STXBP2: variants seen among roughly 807,000 people sequenced by gnomAD.
The protein encoded by STXBP2 is syntaxin binding protein 2, also known as syntaxin-binding protein 2.
A neutral mutation model predicts 72.2 loss-of-function variants in STXBP2; 47 were observed. That is an observed-to-expected ratio of 0.65 (90% CI 0.51 to 0.83). The LOEUF (loss-of-function observed/expected upper bound fraction) is 0.83, where lower values mean the gene tolerates loss of function less well. Among genes scored for constraint, STXBP2 ranks in the 40% least tolerant of loss-of-function variants. The pLI, the probability that STXBP2 is intolerant of heterozygous loss-of-function variation, is 0.00. For missense variants in STXBP2, 702 were observed against 807.6 expected, an observed-to-expected ratio of 0.87 and a Z score of 1.58; for synonymous variants, 367 against 338.7, an observed-to-expected ratio of 1.08 and a Z score of -0.92.
chr19:7,640,857 G>T (rs781755996), intron 5 of STXBP2, 43 bp from the exon 6 acceptor site: 2 of 1,613,856 alleles, frequency 1.2e-6, no homozygotes, highest in African/African-American at 2.7e-5. Flanking sequence ...AAGGAGGTGT[G>T]GGGGCTGCTC....
chr19:7,634,952 A>T (rs906941810), upstream of STXBP2, among the ~76,000 whole-genome samples: 4 of 152,214 alleles, frequency 2.6e-5, no homozygotes, highest in Non-Finnish European at 5.9e-5. Context: ...AACCAGGCAG[A>T]CATATAACTA....
upstream of STXBP2, chr19:7,632,477 C>T: frequency 5.6e-6 from 9 of 1,613,822 alleles, no homozygotes; most frequent in Non-Finnish European, 6.8e-6. This position sits in a 1 kb window ranked among gnomAD's most constrained non-coding sequence, Gnocchi z 5.2. Context: ...TACTGGCCAG[C>T]ATGTCCATGA....
upstream of STXBP2, chr19:7,632,563 GC>G (rs2146196335): frequency 1.9e-6 from 3 of 1,605,514 alleles, no homozygotes; most frequent in Non-Finnish European, 8.5e-7. The surrounding 1 kb of genome is among the most constrained non-coding windows in gnomAD (Gnocchi z 5.2). Flanking sequence ...CGGAGTGGGG[GC>G]CCCCAACCCT....
rs150025014 is a variant in STXBP2, at chr19:7,637,112, G to GAC, written c.-33_-32dup. The GAC allele has an allele frequency of 2.2e-4, 275 of 1,234,482 alleles. 1 individual carries two copies. The African/African-American group carries it at 4.3e-3, about 19-fold the overall frequency. 76.5% of individuals were successfully genotyped at this position (1,234,482 alleles called of 1,614,324 possible). ...GCGCGGGGCCACGCCCCCACCTTGG[G>GAC]ACACACCCGGAAGCGGCGGCGGCGC... On this transcript the variant is annotated 5_prime_UTR_variant, in exon 1 of 19. Transcript: ENST00000221283.
chr19:7,629,801 G>T, the STXBP2 span: 1 of 1,537,098 alleles, frequency 6.5e-7, no homozygotes, highest in East Asian at 2.4e-5. Context: ...TCGGCTTTGG[G>T]CGGAACTGGC....
At chr19:7,640,038 CTGTGTGTGCATTTGTGTGTATG>C (rs1568464571) in intron 4 of STXBP2, 25 of 643,930 alleles carry the variant, frequency 3.9e-5, no homozygotes, top group Middle Eastern at 4.1e-4. Context: ...GTGTGTGCGT[CTGTGTGTGCATTTGTGTGTATG>C]TGTGTATGCG....
In STXBP2 at chr19:7,637,133, G is replaced by T; in HGVS notation, c.-17G>T. On this transcript the variant is annotated 5_prime_UTR_variant, in exon 1 of 19. Transcript: ENST00000221283. ...TTGGGACACACCCGGAAGCGGCGGC[G>T]GCGCCCCTCGGGGAAGATGGCGCCC... 1 of 1,240,446 alleles carries T rather than the reference G, an allele frequency of 8.1e-7. No individual in the cohort carries two copies. The allele number at this position is 1,240,446 out of a possible 1,614,324, so 76.8% of individuals were successfully genotyped here.
At chr19:7,646,129 G>C (rs891658140) in intron 15 of STXBP2, 120 bp from the exon 16 acceptor site, 1 of 752,654 alleles carries the variant, frequency 1.3e-6, no homozygotes, top group Admixed American at 2.1e-5. Context: ...CTCGCTCTCT[G>C]TTCCACTTCC....
chr19:7,642,197 C>A lies in STXBP2; in HGVS notation c.664-6C>A, dbSNP rs1342749941. On this transcript the variant is annotated splice_region_variant and splice_polypyrimidine_tract_variant and intron_variant, in intron 8 of 18. Transcript: ENST00000221283. The surrounding 1 kb of genome is among the most constrained non-coding windows in gnomAD (Gnocchi z 6.0). ...TGCCTCATTCCTGCCCTAAACCCCA[C>A]CCCAGGGCCCAGAGAAAACCCGCTC... is the stretch of plus-strand genomic sequence containing the variant. The A allele has an allele frequency of 1.9e-6, 3 of 1,614,000 alleles. No homozygotes were observed. The African/African-American group carries it at 4.0e-5, about 22-fold the overall frequency.
chr19:7,633,860 C>T (rs1167915561), upstream of STXBP2: 1 of 195,144 alleles, frequency 5.1e-6, no homozygotes, highest in Non-Finnish European at 1.0e-5. Flanking sequence ...CCCAGGTTCC[C>T]CCACTGGCTC....
At chr19:7,639,845 T>G (rs757331802) in intron 4 of STXBP2, 38 bp downstream of exon 4, 1 of 1,583,160 alleles carries the variant, frequency 6.3e-7, no homozygotes, top group Non-Finnish European at 8.6e-7. Context: ...TGCGCGTGCA[T>G]GCGTGTACAT....
chr19:7,639,939 CATGTGTGTGCATGTGTGTGT>C (rs1568464302), intron 4 of STXBP2, 132 bp downstream of exon 4: 8 of 424,354 alleles, frequency 1.9e-5, no homozygotes, highest in East Asian at 4.3e-5. Context: ...TATGTGTGTG[CATGTGTGTGCATGTGTGTGT>C]GCATCTGTGT....
At chr19:7,635,842 C>T (rs1599384347), upstream of STXBP2, among the ~76,000 whole-genome samples, 1 of 152,196 alleles carries the variant, frequency 6.6e-6, no homozygotes, top group East Asian at 1.9e-4. Flanking sequence ...ATTTTTAGCA[C>T]TGAAAGTCCT....
rs866380551 is a variant in STXBP2, at chr19:7,641,837, G to A, written c.562G>A (p.Ala188Thr). The change falls in exon 7 of 19, where the codon GCC becomes ACC. Residue 188 changes from alanine (A) to threonine (T), a missense_variant. Transcript: ENST00000221283. The part of the protein sequence containing the change: ...TLCATLQEYP[A>T]IRYRKGPEDT... The stretch of plus-strand genomic sequence containing the variant: ...GTGCGCCACCCTGCAGGAGTACCCG[G>A]CCATCCGCTACCGCAAGTGGGGACC... The A allele has an allele frequency of 1.3e-6, 2 of 1,553,880 alleles. No individual in the cohort carries two copies. The highest frequency in any genetic ancestry group is 1.7e-6 in the Non-Finnish European group (2 of 1,149,398).
At chr19:7,643,971 GCA>G (rs2032013249) in intron 13 of STXBP2, among the ~76,000 whole-genome samples, 2 of 149,536 alleles carry the variant, frequency 1.3e-5, no homozygotes, top group South Asian at 2.1e-4. Flanking sequence ...TCTGGGTGAG[GCA>G]CGGGGCCTTG....
At position 7,642,662 on chromosome 19, in the gene STXBP2, G is replaced by A. The variant is rs2031941721; in HGVS notation, c.903-104G>A. On this transcript the variant is annotated intron_variant, in intron 10 of 18. Transcript: ENST00000221283. This position sits in a 1 kb window ranked among gnomAD's most constrained non-coding sequence, Gnocchi z 6.0. The stretch of plus-strand genomic sequence containing the variant: ...GCACCCCTCGTGTGACTCCAGACTG[G>A]CCTCCAATTTCACCCCACCTCTCCC... 6.8e-7 allele frequency: 1 copy of A among 1,475,544 alleles called. No homozygotes were observed. The highest frequency in any genetic ancestry group is 9.4e-7 in the Non-Finnish European group (1 of 1,061,784). The allele number at this position is 1,475,544 out of a possible 1,614,324, so 91.4% of individuals were successfully genotyped here. A position where few individuals can be genotyped will look rare whatever the true frequency, so the allele number is the denominator to read the frequency against.
chr19:7,645,373 G>C, intron 15 of STXBP2, 67 bp downstream of exon 15: 1 of 1,455,708 alleles, frequency 6.9e-7, no homozygotes, highest in Admixed American at 2.0e-5. Flanking sequence ...GCTCTGCAAG[G>C]CAGAGGGCCA....
intron 1 of STXBP2, 23 bp from the exon 2 acceptor site, chr19:7,638,703 C>T: frequency 6.2e-7 from 1 of 1,613,698 alleles, no homozygotes; most frequent in Non-Finnish European, 8.5e-7. Flanking sequence ...AGCATTCTGA[C>T]CCCTCCCCTC....
upstream of STXBP2, chr19:7,632,642 C>G (rs571150656): frequency 6.4e-7 from 1 of 1,567,518 alleles, no homozygotes; most frequent in Non-Finnish European, 8.6e-7. This position sits in a 1 kb window ranked among gnomAD's most constrained non-coding sequence, Gnocchi z 5.2. Flanking sequence ...CCCCCAGGCC[C>G]TCCAGATGAC....
Sources: gnomAD v4.1 joint callset for allele counts (sites outside exome capture counted in the v4.1 genomes callset) on GRCh38, gnomAD v4.1.1 for gene constraint, Gnocchi (gnomAD v3.1) non-coding constraint, MANE v1.5 for transcripts, NCBI Gene and HGNC (gene_info 2026-07-23, HGNC 2026-07-21) for gene names.